Variants in BTRC observed in about 807,000 individuals in gnomAD.
The protein encoded by BTRC is beta-transducin repeat containing E3 ubiquitin protein ligase.
BTRC carries 42 observed loss-of-function variants against 85.5 expected under a neutral mutation model. That is an observed-to-expected ratio of 0.49 (90% confidence interval 0.38 to 0.64). The LOEUF (loss-of-function observed/expected upper bound fraction) is 0.64, where lower values mean the gene tolerates loss of function less well. BTRC is among the 30% of genes least tolerant of loss of function. The pLI is 0.00. For missense variants in BTRC, 594 were observed against 743.5 expected (o/e 0.80, Z 2.34); for synonymous variants, 255 against 263.3 (o/e 0.97, Z 0.30).
rs1589417092 is a variant in BTRC at position 101,393,776 on chromosome 10, C to T, written c.49-36569C>T. 2.0e-5 allele frequency among the ~76,000 whole-genome samples: 3 copies of T among 152,312 alleles called. No individual in the cohort carries two copies. In the South Asian group the frequency reaches 6.2e-4, roughly 32 times the overall value. On this transcript the variant is annotated intron_variant, in intron 1 of 14. Coordinates refer to ENST00000370187, the MANE Select transcript of BTRC (RefSeq NM_033637.4). ...CACCCTGGAGGATCATCTTGCCTAC[C>T]TCCTGGCATGTGCACACCCTGCTTT... is the stretch of plus-strand genomic sequence containing the variant.
chr10:101,475,922 C>T (rs1197984495), intron 3 of BTRC, among the ~76,000 whole-genome samples: 14 of 67,534 alleles, frequency 2.1e-4, no homozygotes, highest in East Asian at 4.6e-4. Context: ...AGTATTTTGC[C>T]ATATATATAT....
At chr10:101,456,347 A>G (rs1945082797) in intron 2 of BTRC, among the ~76,000 whole-genome samples, 1 of 152,168 alleles carries the variant, frequency 6.6e-6, no homozygotes, top group Admixed American at 6.6e-5. Flanking sequence ...ATGTATTAAA[A>G]TAGATGATTC....
intron 3 of BTRC, among the ~76,000 whole-genome samples, chr10:101,475,275 C>A (rs538967922): frequency 8.5e-5 from 13 of 152,298 alleles, no homozygotes; most frequent in Non-Finnish European, 1.8e-4. Flanking sequence ...CGTGGTGGCT[C>A]ACGCCTGCAA....
chr10:101,389,610 CTTTTTTTTTTTTTTT>C (rs34480405), intron 1 of BTRC, among the ~76,000 whole-genome samples: 2 of 62,520 alleles, frequency 3.2e-5, no homozygotes, highest in Non-Finnish European at 5.6e-5. Context: ...TGCCAAACAC[CTTTTTTTTTTTTTTT>C]TTTTTTTTTT....
Position 101,550,885 on chromosome 10 carries a change from T to C in BTRC, c.*25T>C. The C allele has an allele frequency of 6.3e-7, 1 of 1,597,494 alleles. No individual in the cohort carries two copies. Among genetic ancestry groups the C allele is most frequent in the Non-Finnish European group, 8.6e-7 (1 of 1,166,594 alleles). Reference sequence around the variant, plus strand: ...AATAACCATACACTGACCTCATACTTGCCCAGGTATCGAAATCGATTATGT... The same window carrying C: ...AATAACCATACACTGACCTCATACTCGCCCAGGTATCGAAATCGATTATGT... On this transcript the variant is annotated 3_prime_UTR_variant, in exon 14 of 15. Transcript: ENST00000370187.
At chr10:101,369,787 G>A (rs1942580511) in intron 1 of BTRC, among the ~76,000 whole-genome samples, 1 of 152,146 alleles carries the variant, frequency 6.6e-6, no homozygotes, top group African/African-American at 2.4e-5. Context: ...ATACCACAGG[G>A]TTCGTTCGAT....
chr10:101,475,871 G>C (rs1333150806), intron 3 of BTRC, among the ~76,000 whole-genome samples: 2 of 136,614 alleles, frequency 1.5e-5, no homozygotes, highest in African/African-American at 5.3e-5. Flanking sequence ...AAATTAGCAA[G>C]CTGAGATGCA....
chr10:101,392,110 G>C (rs974072213), intron 1 of BTRC, among the ~76,000 whole-genome samples: 1 of 152,136 alleles, frequency 6.6e-6, no homozygotes, highest in African/African-American at 2.4e-5. Flanking sequence ...CTCCCATGTA[G>C]CTGGGATTAC....
chr10:101,443,031 G>A (rs1173349781), intron 2 of BTRC, among the ~76,000 whole-genome samples: 9 of 151,200 alleles, frequency 6.0e-5, no homozygotes, highest in Middle Eastern at 3.4e-3. Flanking sequence ...ACAGGCACCC[G>A]CCACCATGCC....
chr10:101,382,582 T>C (rs543674984), intron 1 of BTRC, among the ~76,000 whole-genome samples: 2 of 152,222 alleles, frequency 1.3e-5, no homozygotes, highest in South Asian at 4.2e-4. Flanking sequence ...TGTTCCATTA[T>C]TGGAGATATT....
rs2062323710 is a variant in BTRC at position 101,533,038 on chromosome 10, G to A, written c.1065G>A (p.Val355=). The A allele has an allele frequency of 1.2e-6, 2 of 1,612,896 alleles. No individual in the cohort carries two copies. The change falls in exon 9 of 15, where the codon GTG becomes GTA. Residue 355 remains valine (V), a synonymous_variant. Coordinates refer to ENST00000370187, the MANE Select transcript of BTRC (RefSeq NM_033637.4). Reference sequence around the variant, plus strand: ...TCTGTCTCCAGTATGATGAGAGAGTGATCATAACAGGATCATCGGATTCCA... The same window carrying A: ...TCTGTCTCCAGTATGATGAGAGAGTAATCATAACAGGATCATCGGATTCCA... ...SVLCLQYDER[V]IITGSSDSTV... is the part of the protein sequence containing the mutation.
intron 3 of BTRC, among the ~76,000 whole-genome samples, chr10:101,476,479 C>A (rs918664894): frequency 1.3e-5 from 2 of 151,972 alleles, no homozygotes; most frequent in African/African-American, 4.8e-5. Context: ...TTCTTTCTTT[C>A]TTTTTTTAAA....
intron 5 of BTRC, among the ~76,000 whole-genome samples, chr10:101,523,963 A>G (rs565938417): frequency 3.0e-4 from 45 of 152,296 alleles, no homozygotes; most frequent in African/African-American, 1.1e-3. Context: ...GAATCACTAT[A>G]TATTAAGGAA....
At chr10:101,393,153 A>C (rs1943279280) in intron 1 of BTRC, among the ~76,000 whole-genome samples, 1 of 152,206 alleles carries the variant, frequency 6.6e-6, no homozygotes, top group African/African-American at 2.4e-5. Context: ...GCTTCTGGAT[A>C]GCTGAACACA....
At chr10:101,423,380 A>T (rs1944160731) in intron 1 of BTRC, among the ~76,000 whole-genome samples, 1 of 152,228 alleles carries the variant, frequency 6.6e-6, no homozygotes, top group Non-Finnish European at 1.5e-5. Flanking sequence ...GCAGCTTGTT[A>T]GTTTGTTATA....
At chr10:101,387,528 C>CTGTTTTTTTTTTTTTTTTTTTTTT in intron 1 of BTRC, among the ~76,000 whole-genome samples, 1 of 45,092 alleles carries the variant, frequency 2.2e-5, no homozygotes, top group African/African-American at 1.5e-4. Flanking sequence ...CTTCATGGGA[C>CTGTTTTTTTTTTTTTTTTTTTTTT]TTTTTTTTTT....
chr10:101,359,919 A>C (rs1457150803), intron 1 of BTRC, among the ~76,000 whole-genome samples: 2 of 151,758 alleles, frequency 1.3e-5, no homozygotes, highest in African/African-American at 4.8e-5. Context: ...TAATTTTCTA[A>C]ATTTATGTTT....
intron 1 of BTRC, among the ~76,000 whole-genome samples, chr10:101,425,383 C>T (rs1564764263): frequency 6.6e-6 from 1 of 152,050 alleles, no homozygotes; most frequent in East Asian, 1.9e-4. Flanking sequence ...TTATACTCTT[C>T]AACTTTCTTT....
At chr10:101,493,183 G>A (rs367834250) in intron 4 of BTRC, among the ~76,000 whole-genome samples, 6 of 152,086 alleles carry the variant, frequency 3.9e-5, no homozygotes, top group Non-Finnish European at 5.9e-5. Context: ...TCACTTGCAC[G>A]GGTAGGTTCT....
Sources: gnomAD v4.1 joint callset for allele counts (sites outside exome capture counted in the v4.1 genomes callset) on GRCh38, gnomAD v4.1.1 for gene constraint, MANE v1.5 for transcripts, NCBI Gene and HGNC (gene_info 2026-07-23, HGNC 2026-07-21) for gene names.